GRIN2A: variants seen among roughly 807,000 people sequenced by gnomAD.
GRIN2A encodes glutamate ionotropic receptor NMDA type subunit 2A.
A neutral mutation model predicts 113.4 loss-of-function variants in GRIN2A; 22 were observed. The ratio of observed to expected loss-of-function variants is 0.19; its 90% CI spans 0.14 to 0.28. The LOEUF (loss-of-function observed/expected upper bound fraction) is 0.28. GRIN2A is among the 10% of genes least tolerant of loss of function. The probability of loss-of-function intolerance (pLI) is 1.00; values close to 1 mark genes in which losing one functional copy is unlikely to be tolerated. For missense variants in GRIN2A, 1,502 were observed against 1,887.0 expected (o/e 0.80, Z 3.78); for synonymous variants, 827 against 738.4 (o/e 1.12, Z -1.94).
intron 2 of GRIN2A, among the ~76,000 whole-genome samples, chr16:9,983,050 A>G (rs552681263): frequency 6.6e-6 from 1 of 152,336 alleles, no homozygotes; most frequent in East Asian, 1.9e-4. Context: ...CATGTATACA[A>G]TGTGTAATGA....
chr16:9,992,007 T>TG (rs2046124738), intron 2 of GRIN2A, among the ~76,000 whole-genome samples: 1 of 152,124 alleles, frequency 6.6e-6, no homozygotes, highest in Non-Finnish European at 1.5e-5. Flanking sequence ...CCATGGCACA[T>TG]GTATACCTAT....
intron 3 of GRIN2A, among the ~76,000 whole-genome samples, chr16:9,923,628 AT>A (rs2044398784): frequency 6.6e-6 from 1 of 151,992 alleles, no homozygotes; most frequent in East Asian, 1.9e-4. Flanking sequence ...TTTTAAATTT[AT>A]CATGGTTATC....
At chr16:9,806,691 A>C (rs574256722) in intron 10 of GRIN2A, among the ~76,000 whole-genome samples, 3 of 152,194 alleles carry the variant, frequency 2.0e-5, no homozygotes, top group South Asian at 2.1e-4. Context: ...GAAACAGAGA[A>C]GGAGAAAGAG....
At chr16:9,908,120 C>T (rs1039204675) in intron 3 of GRIN2A, among the ~76,000 whole-genome samples, 4 of 152,178 alleles carry the variant, frequency 2.6e-5, no homozygotes, top group African/African-American at 4.8e-5. Flanking sequence ...CTGAACTCTG[C>T]CGGGCCTCAT....
chr16:9,772,295 C>G (rs1901320144), intron 11 of GRIN2A, among the ~76,000 whole-genome samples: 1 of 152,234 alleles, frequency 6.6e-6, no homozygotes, highest in African/African-American at 2.4e-5. Context: ...CGGCTGCTTC[C>G]TCTTCTCACA....
At position 9,796,721 on chromosome 16, in the gene GRIN2A, C is replaced by T. The variant is rs11866706; in HGVS notation, c.2356+1556G>A. Among the ~76,000 whole-genome samples the T allele has an allele frequency of 3.5e-3, 539 of 152,334 alleles. 2 individuals are homozygous for T. Among genetic ancestry groups the T allele is most frequent in the African/African-American group, 0.012 (511 of 41,574 alleles). ...AGAAACACGTGTGGAGCAGAGACCA[C>T]ACCACTGATTCGTACGCTTGTGGCA... is the stretch of plus-strand genomic sequence containing the variant. On this transcript the variant is annotated intron_variant, in intron 11 of 12. Transcript: ENST00000330684.
At chr16:10,096,974 G>A (rs1301100338) in intron 2 of GRIN2A, among the ~76,000 whole-genome samples, 2 of 152,156 alleles carry the variant, frequency 1.3e-5, no homozygotes, top group Admixed American at 6.5e-5. Context: ...TGTTAGCTGT[G>A]ATAATTTTTA....
chr16:9,987,654 C>G (rs1032232695), intron 2 of GRIN2A, among the ~76,000 whole-genome samples: 4 of 152,134 alleles, frequency 2.6e-5, no homozygotes, highest in African/African-American at 9.7e-5. Context: ...GTATATTTGG[C>G]TTAAATAAAA....
chr16:9,907,065 G>A (rs559119807), intron 3 of GRIN2A, among the ~76,000 whole-genome samples: 4 of 152,208 alleles, frequency 2.6e-5, no homozygotes, highest in Admixed American at 2.0e-4. Flanking sequence ...TGCCCACCTT[G>A]GCCTCCCAAA....
intron 2 of GRIN2A, among the ~76,000 whole-genome samples, chr16:10,101,915 C>T (rs2142112098): frequency 6.6e-6 from 1 of 152,276 alleles, no homozygotes. Flanking sequence ...ATTTCTAGAA[C>T]ATCGAGCCAC....
chr16:10,098,459 A>G (rs1426621439), intron 2 of GRIN2A, among the ~76,000 whole-genome samples: 1 of 152,222 alleles, frequency 6.6e-6, no homozygotes, highest in Non-Finnish European at 1.5e-5. Context: ...CTGGGTATCT[A>G]CCCAGAGGAA....
intron 9 of GRIN2A, among the ~76,000 whole-genome samples, chr16:9,829,134 T>C (rs569274644): frequency 1.3e-5 from 2 of 152,244 alleles, no homozygotes; most frequent in Admixed American, 1.3e-4. Flanking sequence ...GAGTCATAGG[T>C]CATTCACAAG....
chr16:9,805,853 C>G (rs902202547), intron 10 of GRIN2A, among the ~76,000 whole-genome samples: 5 of 152,134 alleles, frequency 3.3e-5, no homozygotes, highest in African/African-American at 1.2e-4. Context: ...AGAAATGGCA[C>G]CACTGAGGCA....
chr16:9,989,927 G>A (rs1424042787), intron 2 of GRIN2A, among the ~76,000 whole-genome samples: 1 of 152,198 alleles, frequency 6.6e-6, no homozygotes. Context: ...TTTATACACT[G>A]CTGGTGGGAA....
chr16:10,016,220 A>G (rs2046608713), intron 2 of GRIN2A, among the ~76,000 whole-genome samples: 1 of 151,798 alleles, frequency 6.6e-6, no homozygotes, highest in Non-Finnish European at 1.5e-5. Context: ...TTCAGCCTGC[A>G]ATGGTGCAGT....
At chr16:9,872,991 G>C (rs1414765627) in intron 4 of GRIN2A, among the ~76,000 whole-genome samples, 1 of 152,182 alleles carries the variant, frequency 6.6e-6, no homozygotes, top group Non-Finnish European at 1.5e-5. Flanking sequence ...GCTGCAATGA[G>C]CCATGATTGC....
intron 2 of GRIN2A, among the ~76,000 whole-genome samples, chr16:10,163,714 C>T (rs1411262687): frequency 6.6e-6 from 1 of 151,796 alleles, no homozygotes; most frequent in African/African-American, 2.4e-5. Flanking sequence ...AAGTGAGTGT[C>T]TATTCTGATT....
At chr16:9,926,986 G>T (rs1042148047) in intron 3 of GRIN2A, among the ~76,000 whole-genome samples, 1 of 151,282 alleles carries the variant, frequency 6.6e-6, no homozygotes, top group African/African-American at 2.4e-5. Context: ...AAGTCGTAAC[G>T]TGGGGTTTGG....
chr16:9,787,181 C>G (rs1902282109), intron 11 of GRIN2A, among the ~76,000 whole-genome samples: 1 of 152,186 alleles, frequency 6.6e-6, no homozygotes, highest in Non-Finnish European at 1.5e-5. Flanking sequence ...TCCAGGCCCT[C>G]CCAATCTTGA....
Sources: allele counts gnomAD v4.1 joint callset (sites outside exome capture counted in the v4.1 genomes callset), GRCh38; gene constraint gnomAD v4.1.1; transcripts MANE v1.5; gene names NCBI Gene and HGNC (gene_info 2026-07-23, HGNC 2026-07-21).